BCAT1: variants seen among roughly 807,000 people sequenced by gnomAD.
The protein encoded by BCAT1 is branched chain amino acid transaminase 1, also known as branched-chain-amino-acid aminotransferase, cytosolic.
In BCAT1, 48 loss-of-function variants were observed where a neutral mutation model predicts 52.4. The ratio of observed to expected loss-of-function variants is 0.92; its 90% CI spans 0.73 to 1.16. The LOEUF is 1.16. Ranked by LOEUF, BCAT1 falls within the 50% of genes most tolerant of loss-of-function variation. The pLI, the probability that BCAT1 is intolerant of heterozygous loss-of-function variation, is 0.00. For synonymous variants in BCAT1, 167 were observed against 161.3 expected (o/e 1.04, Z -0.27); for missense variants, 451 against 457.1 (o/e 0.99, Z 0.12).
At chr12:24,871,644 G>T (rs1448753875) in intron 5 of BCAT1, among the ~76,000 whole-genome samples, 1 of 152,062 alleles carries the variant, frequency 6.6e-6, no homozygotes, top group Non-Finnish European at 1.5e-5. Context: ...CAAAGACAGG[G>T]ACCTTATATG....
chr12:24,913,328 C>G (rs991710316), intron 1 of BCAT1, among the ~76,000 whole-genome samples: 1 of 152,174 alleles, frequency 6.6e-6, no homozygotes, highest in African/African-American at 2.4e-5. Context: ...CAAGCAGGAC[C>G]TAGCAAGGCC....
At chr12:24,922,367 T>C (rs1943510749) in intron 1 of BCAT1, among the ~76,000 whole-genome samples, 1 of 152,212 alleles carries the variant, frequency 6.6e-6, no homozygotes, top group African/African-American at 2.4e-5. Flanking sequence ...ATATGATCCG[T>C]AATAATAACC....
intron 5 of BCAT1, among the ~76,000 whole-genome samples, chr12:24,877,871 C>T (rs1398427118): frequency 4.6e-5 from 7 of 152,180 alleles, no homozygotes; most frequent in Middle Eastern, 3.4e-3. Context: ...GAATCCTCTC[C>T]GGTCAGGTGA....
intron 5 of BCAT1, among the ~76,000 whole-genome samples, chr12:24,854,518 G>C (rs1024086592): frequency 6.6e-6 from 1 of 152,158 alleles, no homozygotes; most frequent in African/African-American, 2.4e-5. Context: ...CTTCAAGGGA[G>C]AGCTCAGCGG....
rs1415233495 is a variant in BCAT1, at chr12:24,815,018, A to G, written c.*2990T>C. 6.6e-6 allele frequency: 1 copy of G among 152,160 alleles called. No homozygotes were observed. The highest frequency in any genetic ancestry group is 6.5e-5 in the Admixed American group (1 of 15,272). 9.4% of individuals were successfully genotyped at this position (152,160 alleles called of 1,614,324 possible). ...ATTCCTGTGCTAGAGAGCATGGAAC[A>G]CATCTCTGAAGTCAACTCTTCTTTT... On this transcript the variant is annotated 3_prime_UTR_variant, in exon 11 of 11. Coordinates refer to ENST00000261192, the MANE Select transcript of BCAT1 (RefSeq NM_005504.7).
At position 24,949,069 on chromosome 12, in the gene BCAT1, G is replaced by GT; in HGVS notation, c.-138_-137insA. The stretch of plus-strand genomic sequence containing the variant: ...AGCAAGACCTGGGGCAGTGCCCGAG[G>GT]CGGCGGCGAGTACACGTGGCGGGCT... On this transcript the variant is annotated 5_prime_UTR_variant, in exon 1 of 11. Transcript: ENST00000261192. 1 of 814,294 alleles carries GT rather than the reference G, an allele frequency of 1.2e-6. No homozygotes were observed. Among genetic ancestry groups the GT allele is most frequent in the African/African-American group, 1.7e-5 (1 of 57,456 alleles). The allele number at this position is 814,294 out of a possible 1,614,324, so 50.4% of individuals were successfully genotyped here.
intron 7 of BCAT1, among the ~76,000 whole-genome samples, chr12:24,839,410 A>G (rs1244103332): frequency 6.6e-6 from 1 of 152,188 alleles, no homozygotes; most frequent in Non-Finnish European, 1.5e-5. Flanking sequence ...TGTTTTCCCA[A>G]AGTGACTGTG....
intron 8 of BCAT1, chr12:24,834,839 T>A (rs1940849608): frequency 1.4e-5 from 15 of 1,073,734 alleles, no homozygotes; most frequent in Non-Finnish European, 1.7e-5. Context: ...AACTCTTTTG[T>A]AAATAAGCAG....
At chr12:24,823,524 T>A (rs1372781564) in intron 10 of BCAT1, among the ~76,000 whole-genome samples, 1 of 152,226 alleles carries the variant, frequency 6.6e-6, no homozygotes, top group Non-Finnish European at 1.5e-5. Flanking sequence ...TTTGAATTTG[T>A]GTCCCCACCC....
At chr12:24,836,908 G>GAGAA (rs201215375) in intron 7 of BCAT1, among the ~76,000 whole-genome samples, 971 of 40,794 alleles carry the variant, frequency 0.024, 25 homozygotes, top group African/African-American at 0.048. Context: ...AAAAGAAAGA[G>GAGAA]AGAAAGAAAG....
At chr12:24,860,951 TA>T (rs1169066576) in intron 5 of BCAT1, among the ~76,000 whole-genome samples, 22 of 152,352 alleles carry the variant, frequency 1.4e-4, no homozygotes, top group African/African-American at 5.3e-4. Context: ...TTAAAAAGCC[TA>T]CGTGGCAAAT....
chr12:24,947,396 T>C (rs1190696356), intron 1 of BCAT1, among the ~76,000 whole-genome samples: 2 of 152,242 alleles, frequency 1.3e-5, no homozygotes, highest in African/African-American at 2.4e-5. Flanking sequence ...CATGCATGAC[T>C]TAAGCCCGGA....
At chr12:24,867,337 CTTTTTTTTTT>C (rs35488171) in intron 5 of BCAT1, among the ~76,000 whole-genome samples, 1 of 128,818 alleles carries the variant, frequency 7.8e-6, no homozygotes, top group South Asian at 2.5e-4. Context: ...TCGAAAATAT[CTTTTTTTTTT>C]TTTTTTTTTT....
intron 3 of BCAT1, among the ~76,000 whole-genome samples, chr12:24,884,831 G>A (rs888069114): frequency 2.0e-5 from 3 of 151,954 alleles, no homozygotes; most frequent in African/African-American, 7.3e-5. Flanking sequence ...GTTTATGGGA[G>A]GAAAAAAACT....
intron 3 of BCAT1, among the ~76,000 whole-genome samples, chr12:24,886,503 A>C (rs910281986): frequency 8.5e-5 from 13 of 152,180 alleles, no homozygotes; most frequent in African/African-American, 3.1e-4. Context: ...AAGTAGTTCC[A>C]CTTACAAACT....
intron 5 of BCAT1, among the ~76,000 whole-genome samples, chr12:24,858,699 A>C (rs1436483222): frequency 2.0e-5 from 3 of 152,224 alleles, no homozygotes; most frequent in Non-Finnish European, 4.4e-5. Context: ...AAAGTTGCTA[A>C]GAGTTAACAT....
chr12:24,907,465 T>C (rs1175627703), intron 1 of BCAT1, among the ~76,000 whole-genome samples: 1 of 152,248 alleles, frequency 6.6e-6, no homozygotes, highest in Non-Finnish European at 1.5e-5. Context: ...CCAGATGGCC[T>C]GAAGCAACTG....
intron 5 of BCAT1, among the ~76,000 whole-genome samples, chr12:24,868,160 G>A (rs904389550): frequency 6.6e-6 from 1 of 152,166 alleles, no homozygotes; most frequent in African/African-American, 2.4e-5. Flanking sequence ...GAAATAAGAG[G>A]CTAGTATAAC....
chr12:24,929,752 A>G (rs1943650909), intron 1 of BCAT1, among the ~76,000 whole-genome samples: 1 of 152,098 alleles, frequency 6.6e-6, no homozygotes, highest in African/African-American at 2.4e-5. Context: ...CCTCCCCTCA[A>G]TAAGCCCCAA....
Sources: allele counts gnomAD v4.1 joint callset (sites outside exome capture counted in the v4.1 genomes callset), GRCh38; gene constraint gnomAD v4.1.1; transcripts MANE v1.5; gene names NCBI Gene and HGNC (gene_info 2026-07-23, HGNC 2026-07-21).